The following WDTC1 variants were observed in gnomAD, a reference collection of about 807,000 sequenced individuals.
WDTC1 encodes the protein WD and tetratricopeptide repeats protein 1.
A neutral mutation model predicts 76.0 loss-of-function variants in WDTC1; 12 were observed. The observed-to-expected ratio is 0.16, with a 90% confidence interval of 0.10 to 0.26. The LOEUF is 0.26. Ranked by LOEUF, WDTC1 falls within the 10% of genes least tolerant of loss-of-function variation. The pLI, the probability that WDTC1 is intolerant of heterozygous loss-of-function variation, is 1.00. For synonymous variants in WDTC1, 326 were observed against 350.8 expected, an observed-to-expected ratio of 0.93 and a Z score of 0.79; for missense variants, 511 against 908.8, an observed-to-expected ratio of 0.56 and a Z score of 5.63.
chr1:27,244,087 A>G (rs1159995762), intron 1 of WDTC1, among the ~76,000 whole-genome samples: 1 of 152,084 alleles, frequency 6.6e-6, no homozygotes, highest in Admixed American at 6.6e-5. Context: ...CAGAGGTTGC[A>G]GTGAGCTGAG....
At chr1:27,236,398 G>A (rs2011490562) in intron 1 of WDTC1, among the ~76,000 whole-genome samples, 4 of 152,156 alleles carry the variant, frequency 2.6e-5, no homozygotes, top group Admixed American at 2.6e-4. Context: ...TAAGGCTGGA[G>A]TCCTGCTCTC....
At chr1:27,271,934 G>A (rs2147946863) in intron 3 of WDTC1, among the ~76,000 whole-genome samples, 1 of 150,096 alleles carries the variant, frequency 6.7e-6, no homozygotes, top group East Asian at 2.0e-4. Flanking sequence ...ACTGCGCCCG[G>A]CCTAAAATTT....
intron 3 of WDTC1, among the ~76,000 whole-genome samples, chr1:27,273,032 C>T (rs1384111049): frequency 6.6e-6 from 1 of 152,076 alleles, no homozygotes; most frequent in Non-Finnish European, 1.5e-5. Context: ...TTCTAAATGC[C>T]ATTCTCTATT....
chr1:27,281,749 C>A (rs971608961), intron 3 of WDTC1, among the ~76,000 whole-genome samples: 1 of 151,972 alleles, frequency 6.6e-6, no homozygotes, highest in Non-Finnish European at 1.5e-5. Context: ...GCCACCACAC[C>A]CAACTAATTT....
At chr1:27,237,127 C>T (rs2011506603) in intron 1 of WDTC1, among the ~76,000 whole-genome samples, 1 of 152,134 alleles carries the variant, frequency 6.6e-6, no homozygotes, top group South Asian at 2.1e-4. Flanking sequence ...TGAGCCACCG[C>T]ACCTGGCCTC....
chr1:27,255,838 G>A (rs778029574), intron 1 of WDTC1, among the ~76,000 whole-genome samples: 68 of 152,190 alleles, frequency 4.5e-4, no homozygotes, highest in African/African-American at 1.6e-3. Flanking sequence ...CAAAGTGCTC[G>A]GATTACAGGC....
chr1:27,259,479 T>C (rs2012404160), intron 1 of WDTC1, among the ~76,000 whole-genome samples: 1 of 151,700 alleles, frequency 6.6e-6, no homozygotes, highest in Non-Finnish European at 1.5e-5. Context: ...TATTTTGAGT[T>C]TTGTTATGAT....
At chr1:27,269,553 AT>A (rs1425933191) in intron 3 of WDTC1, among the ~76,000 whole-genome samples, 1 of 148,026 alleles carries the variant, frequency 6.8e-6, no homozygotes, top group East Asian at 2.0e-4. Context: ...ATGGAGAGTC[AT>A]TGAATGGTTT....
chr1:27,261,623 C>T (rs1024045794), intron 2 of WDTC1, among the ~76,000 whole-genome samples: 3 of 152,100 alleles, frequency 2.0e-5, no homozygotes, highest in African/African-American at 7.2e-5. Flanking sequence ...ATTGAAGTAG[C>T]CCCAGGCTTT....
chr1:27,297,822 A>G, intron 11 of WDTC1, 116 bp from the exon 12 acceptor site: 1 of 1,084,764 alleles, frequency 9.2e-7, no homozygotes, highest in Non-Finnish European at 1.3e-6. Flanking sequence ...TCCAGATAGC[A>G]GTCAGATCCC....
At position 27,278,441 on chromosome 1, in the gene WDTC1, AT is replaced by A. The variant is rs1253320036; in HGVS notation, c.133-3797del. ...AGTCATATTTTCAAGCAAATATTGA[AT>A]GCCTACTATATGACAGAAATGTTCT... On this transcript the variant is annotated intron_variant, in intron 3 of 15. Coordinates refer to ENST00000319394, the MANE Select transcript of WDTC1 (RefSeq NM_001276252.2). 4.3e-4 allele frequency among the ~76,000 whole-genome samples: 65 copies of A among 152,354 alleles called. 1 individual carries two copies. Among genetic ancestry groups the A allele is most frequent in the Admixed American group, 4.2e-3 (64 of 15,300 alleles).
chr1:27,237,813 A>C (rs1258570372), intron 1 of WDTC1, among the ~76,000 whole-genome samples: 1 of 148,462 alleles, frequency 6.7e-6, no homozygotes, highest in Non-Finnish European at 1.5e-5. Context: ...GTGAGCTGTG[A>C]TCGTGCCATT....
chr1:27,251,773 G>A (rs1043802076), intron 1 of WDTC1, among the ~76,000 whole-genome samples: 1 of 152,086 alleles, frequency 6.6e-6, no homozygotes, highest in Non-Finnish European at 1.5e-5. Context: ...GTTATAGTAT[G>A]CTATGATCGC....
chr1:27,286,390 C>T lies in WDTC1; in HGVS notation c.292-1284C>T, dbSNP rs551741432. Reference sequence around the variant, plus strand: ...CCTTCCCTATTGTCCAACATTTGAGCTGTTTCCAATATTTGCTATTATAAG... The same window carrying T: ...CCTTCCCTATTGTCCAACATTTGAGTTGTTTCCAATATTTGCTATTATAAG... On this transcript the variant is annotated intron_variant, in intron 5 of 15. Coordinates refer to ENST00000319394, the MANE Select transcript of WDTC1 (RefSeq NM_001276252.2). Among the ~76,000 whole-genome samples the T allele has an allele frequency of 2.0e-5, 3 of 150,862 alleles. No homozygotes were observed. The East Asian group carries it at 5.9e-4, about 29-fold the overall frequency.
At chr1:27,302,943 G>C (rs2013868006) in intron 13 of WDTC1, among the ~76,000 whole-genome samples, 1 of 152,084 alleles carries the variant, frequency 6.6e-6, no homozygotes, top group Admixed American at 6.5e-5. Flanking sequence ...GTAAGGGCAT[G>C]GTCCTTACTG....
intron 11 of WDTC1, 42 bp from the exon 12 acceptor site, chr1:27,297,896 A>AC: frequency 1.3e-6 from 2 of 1,557,688 alleles, no homozygotes; most frequent in South Asian, 1.2e-5. Context: ...GGCTGCTCTG[A>AC]CCTTCTTTGA....
intron 6 of WDTC1, among the ~76,000 whole-genome samples, chr1:27,290,915 G>T (rs1375411764): frequency 1.3e-5 from 2 of 152,264 alleles, no homozygotes; most frequent in African/African-American, 2.4e-5. Flanking sequence ...ACTGGGGTAA[G>T]TCACTGCATC....
chr1:27,308,157 C>T lies in WDTC1; in HGVS notation c.*1774C>T, dbSNP rs2014002129. 6.6e-6 allele frequency: 1 copy of T among 150,450 alleles called. No individual in the cohort carries two copies. Among genetic ancestry groups the T allele is most frequent in the Admixed American group, 6.6e-5 (1 of 15,128 alleles). The allele number at this position is 150,450 out of a possible 1,614,324, so 9.3% of individuals were successfully genotyped here. A position where few individuals can be genotyped will look rare whatever the true frequency, so the allele number is the denominator to read the frequency against. ...TGGAGAGACACATAAGCCTTACTGT[C>T]CTCTGGGGGCAGGAGCCGAGCCTTT... On this transcript the variant is annotated 3_prime_UTR_variant, in exon 16 of 16. Transcript: ENST00000319394.
At chr1:27,285,416 T>C (rs567475150) in intron 5 of WDTC1, among the ~76,000 whole-genome samples, 1 of 152,240 alleles carries the variant, frequency 6.6e-6, no homozygotes, top group Admixed American at 6.5e-5. Context: ...TAAAGTCAAG[T>C]GGGACATCAG....
Sources: allele counts gnomAD v4.1 joint callset (sites outside exome capture counted in the v4.1 genomes callset), GRCh38; gene constraint gnomAD v4.1.1; transcripts MANE v1.5; gene names NCBI Gene and HGNC (gene_info 2026-07-23, HGNC 2026-07-21).